GATAD2B: variants seen among roughly 807,000 people sequenced by gnomAD.
GATAD2B encodes transcriptional repressor p66-beta.
In GATAD2B, 8 loss-of-function variants were observed where a neutral mutation model predicts 64.3. The ratio of observed to expected loss-of-function variants is 0.12; its 90% CI spans 0.07 to 0.22. GATAD2B has a LOEUF of 0.22. Ranked by LOEUF, GATAD2B falls within the 10% of genes least tolerant of loss-of-function variation. The pLI is 1.00. For synonymous variants in GATAD2B, 281 were observed against 271.3 expected, an observed-to-expected ratio of 1.04 and a Z score of -0.35; for missense variants, 453 against 752.0, an observed-to-expected ratio of 0.60 and a Z score of 4.65.
At chr1:153,866,830 G>C (rs1676491191) in intron 1 of GATAD2B, among the ~76,000 whole-genome samples, 1 of 152,192 alleles carries the variant, frequency 6.6e-6, no homozygotes, top group African/African-American at 2.4e-5. Context: ...TCGCCAGGCT[G>C]GAGTGCAGTG....
In GATAD2B at chr1:153,904,686, C is replaced by T. The variant is rs1047481716; in HGVS notation, c.-2+18047G>A. Among the ~76,000 whole-genome samples, 78 of 152,046 alleles carry T rather than the reference C, an allele frequency of 5.1e-4. 1 individual carries two copies. The highest frequency in any genetic ancestry group is 3.4e-3 in the Middle Eastern group (1 of 294). ...TTTCCCAAGAAGCTGGGACTATAGG[C>T]GTGTGCCACCAGGCCCAGCTAATTT... On this transcript the variant is annotated intron_variant, in intron 1 of 10. Transcript: ENST00000368655.
intron 1 of GATAD2B, among the ~76,000 whole-genome samples, chr1:153,876,218 ACTT>A (rs1485966092): frequency 8.8e-6 from 1 of 114,198 alleles, no homozygotes; most frequent in East Asian, 2.8e-4. Flanking sequence ...ACACAGTGAG[ACTT>A]CGTCTCAAAA....
intron 1 of GATAD2B, among the ~76,000 whole-genome samples, chr1:153,832,379 T>C (rs1675109041): frequency 6.6e-6 from 1 of 152,230 alleles, no homozygotes; most frequent in Admixed American, 6.5e-5. Flanking sequence ...AGCCACAGCA[T>C]TCCTTTAAGC....
chr1:153,844,619 G>A (rs1675616965), intron 1 of GATAD2B, among the ~76,000 whole-genome samples: 2 of 151,630 alleles, frequency 1.3e-5, no homozygotes, highest in Non-Finnish European at 2.9e-5. Flanking sequence ...GTAGGGACAT[G>A]GATGAAATTG....
intron 1 of GATAD2B, among the ~76,000 whole-genome samples, chr1:153,890,403 G>A (rs1043768797): frequency 1.5e-5 from 2 of 134,740 alleles, no homozygotes; most frequent in Admixed American, 7.7e-5. Context: ...CAGAAGAATC[G>A]CATAAACCCA....
intron 1 of GATAD2B, 143 bp from the exon 2 acceptor site, chr1:153,828,491 C>CACACA (rs2101891853): frequency 1.7e-6 from 1 of 591,366 alleles, no homozygotes; most frequent in East Asian, 2.8e-5. Flanking sequence ...CACACACACA[C>CACACA]AAAGTTCAAA....
chr1:153,845,978 A>G (rs1373659129), intron 1 of GATAD2B, among the ~76,000 whole-genome samples: 1 of 140,318 alleles, frequency 7.1e-6, no homozygotes, highest in Non-Finnish European at 1.5e-5. Flanking sequence ...TCCCTTAATA[A>G]CTTTTTTTGC....
intron 2 of GATAD2B, among the ~76,000 whole-genome samples, chr1:153,826,584 T>G (rs1458979523): frequency 6.6e-6 from 1 of 151,844 alleles, no homozygotes; most frequent in African/African-American, 2.4e-5. Context: ...TGAGCCTAGA[T>G]CGTACCATTG....
At chr1:153,820,290 T>C (rs1378647003) in intron 2 of GATAD2B, among the ~76,000 whole-genome samples, 1 of 152,116 alleles carries the variant, frequency 6.6e-6, no homozygotes, top group African/African-American at 2.4e-5. Flanking sequence ...ATCCAGCATC[T>C]TACCTCAAAA....
intron 1 of GATAD2B, among the ~76,000 whole-genome samples, chr1:153,887,636 G>T (rs780618054): frequency 3.9e-5 from 6 of 151,968 alleles, no homozygotes; most frequent in Non-Finnish European, 8.8e-5. Flanking sequence ...ACAAGGTTTC[G>T]CTGTGTTGTC....
chr1:153,852,428 G>T (rs1675931785), intron 1 of GATAD2B: 3 of 767,594 alleles, frequency 3.9e-6, no homozygotes, highest in Non-Finnish European at 7.2e-6. Flanking sequence ...TGGACAGAAG[G>T]CCGTGGCATG....
rs111519374 is a variant in GATAD2B at position 153,872,667 on chromosome 1, T to G, written c.-1-44319A>C. 4.3e-3 allele frequency among the ~76,000 whole-genome samples: 649 copies of G among 152,284 alleles called. 5 individuals are homozygous for G. Among genetic ancestry groups the G allele is most frequent in the Non-Finnish European group, 7.0e-3 (475 of 68,026 alleles). ...AATTTTATCACTGGGCAAAAATAGT[T>G]GTTTTCCTTGAAAATTTTCAAGAAA... On this transcript the variant is annotated intron_variant, in intron 1 of 10. Coordinates refer to ENST00000368655, the MANE Select transcript of GATAD2B (RefSeq NM_020699.4).
intron 1 of GATAD2B, among the ~76,000 whole-genome samples, chr1:153,911,933 C>A (rs1300635322): frequency 6.6e-6 from 1 of 152,180 alleles, no homozygotes; most frequent in African/African-American, 2.4e-5. Flanking sequence ...AAAAGTCACA[C>A]ATAAGCTACA....
chr1:153,915,652 T>C (rs1392775358), intron 1 of GATAD2B, among the ~76,000 whole-genome samples: 2 of 150,936 alleles, frequency 1.3e-5, no homozygotes, highest in African/African-American at 4.9e-5. Context: ...AGAGGATCAC[T>C]TGAACTCAGG....
At chr1:153,826,710 T>C (rs1202576845) in intron 2 of GATAD2B, among the ~76,000 whole-genome samples, 2 of 152,018 alleles carry the variant, frequency 1.3e-5, no homozygotes, top group Non-Finnish European at 2.9e-5. Context: ...GAGGCCAATG[T>C]GGGAAGATCA....
intron 1 of GATAD2B, among the ~76,000 whole-genome samples, chr1:153,873,401 G>A (rs770475091): frequency 1.3e-5 from 2 of 152,208 alleles, no homozygotes; most frequent in Non-Finnish European, 1.5e-5. Flanking sequence ...CAATGCAGGC[G>A]TGTTAAGAGG....
Position 153,809,918 on chromosome 1 carries a change from C to A in GATAD2B, c.*259G>T, listed in dbSNP as rs1488245035. On this transcript the variant is annotated 3_prime_UTR_variant, in exon 11 of 11. Coordinates refer to ENST00000368655, the MANE Select transcript of GATAD2B (RefSeq NM_020699.4). ...TCTGACCTCTATCAGAGGTAAAGAT[C>A]CACCTCACTGTTAAAGAAAACTGAA... The A allele has an allele frequency of 8.1e-6, 3 of 370,924 alleles. No homozygotes were observed. The highest frequency in any genetic ancestry group is 1.5e-5 in the Non-Finnish European group (3 of 206,392). The allele number at this position is 370,924 out of a possible 1,614,324, so 23.0% of individuals were successfully genotyped here.
rs1207551770 is a variant in GATAD2B, at chr1:153,886,741, A to G, written c.-2+35992T>C. 6.7e-5 allele frequency among the ~76,000 whole-genome samples: 10 copies of G among 149,408 alleles called. No individual in the cohort carries two copies. The Admixed American group carries it at 6.7e-4, about 10-fold the overall frequency. ...TAATTTTTTTTTTTTTCGTATTTTT[A>G]GTAGAGACGGGGTTTCACTGTGTTA... On this transcript the variant is annotated intron_variant, in intron 1 of 10. Transcript: ENST00000368655.
intron 1 of GATAD2B, among the ~76,000 whole-genome samples, chr1:153,920,107 C>T (rs947066827): frequency 3.9e-5 from 6 of 152,216 alleles, no homozygotes; most frequent in Admixed American, 6.5e-5. Context: ...GACAGCACAG[C>T]TGCTGTTTTC....
Sources: allele counts gnomAD v4.1 joint callset (sites outside exome capture counted in the v4.1 genomes callset), GRCh38; gene constraint gnomAD v4.1.1; transcripts MANE v1.5; gene names NCBI Gene and HGNC (gene_info 2026-07-23, HGNC 2026-07-21).